The following SCN1A variants were observed in gnomAD, a reference collection of about 807,000 sequenced individuals.
The protein encoded by SCN1A is sodium channel protein type 1 subunit alpha.
In SCN1A, 13 loss-of-function variants were observed where a neutral mutation model predicts 193.7. The observed-to-expected ratio is 0.07, with a 90% CI of 0.04 to 0.11. SCN1A has a LOEUF of 0.11. Ranked by LOEUF, SCN1A falls within the 10% of genes least tolerant of loss-of-function variation. The pLI is 1.00. For missense variants in SCN1A, 1,432 were observed against 2,451.1 expected (o/e 0.58, Z 8.78); for synonymous variants, 781 against 843.6 (o/e 0.93, Z 1.29).
At chr2:166,115,692 C>A (rs569183694) in intron 2 of SCN1A, among the ~76,000 whole-genome samples, 3 of 152,096 alleles carry the variant, frequency 2.0e-5, no homozygotes, top group Admixed American at 6.5e-5. Flanking sequence ...TTAAAGGTAA[C>A]CCTAAAAATG....
At chr2:166,028,672 A>G (rs1695135048) in intron 19 of SCN1A, among the ~76,000 whole-genome samples, 1 of 152,206 alleles carries the variant, frequency 6.6e-6, no homozygotes, top group Non-Finnish European at 1.5e-5. Flanking sequence ...TGCTTATTTG[A>G]TAAATGGTAA....
chr2:165,999,958 C>A, intron 24 of SCN1A, 182 bp from the exon 25 acceptor site: 1 of 622,968 alleles, frequency 1.6e-6, no homozygotes, highest in Non-Finnish European at 2.9e-6. Context: ...TTCTAGAACA[C>A]ATATTGAACA....
chr2:166,076,001 C>T (rs7562628), intron 3 of SCN1A, among the ~76,000 whole-genome samples: 4,217 of 151,418 alleles, frequency 0.028, 221 homozygotes, highest in African/African-American at 0.098. Context: ...CCCATTTTTT[C>T]CTTCTATTTT....
intron 19 of SCN1A, among the ~76,000 whole-genome samples, chr2:166,028,422 ATACT>A (rs1273258211): frequency 1.3e-5 from 2 of 152,170 alleles, no homozygotes; most frequent in Non-Finnish European, 2.9e-5. Flanking sequence ...AAATTATAAC[ATACT>A]TAATAAGTGT....
At chr2:166,114,765 C>G (rs914479975) in intron 2 of SCN1A, among the ~76,000 whole-genome samples, 2 of 151,986 alleles carry the variant, frequency 1.3e-5, no homozygotes, top group African/African-American at 4.8e-5. Flanking sequence ...TAATATTATA[C>G]TTTTGAACTA....
chr2:166,134,241 T>C (rs1691769247), intron 1 of SCN1A, among the ~76,000 whole-genome samples: 1 of 152,098 alleles, frequency 6.6e-6, no homozygotes, highest in Non-Finnish European at 1.5e-5. Context: ...CCAAGAGAGG[T>C]GCAGTGACTT....
intron 19 of SCN1A, among the ~76,000 whole-genome samples, chr2:166,025,006 T>C (rs911199757): frequency 1.1e-4 from 16 of 152,234 alleles, no homozygotes; most frequent in African/African-American, 3.4e-4. Flanking sequence ...TTGCAATTGC[T>C]CTTTACACAT....
At chr2:166,111,161 A>G (rs1689254949) in intron 2 of SCN1A, among the ~76,000 whole-genome samples, 1 of 152,182 alleles carries the variant, frequency 6.6e-6, no homozygotes, top group Admixed American at 6.5e-5. Context: ...AGAAGATGCC[A>G]TCTAGGACTT....
intron 1 of SCN1A, among the ~76,000 whole-genome samples, chr2:166,143,291 C>A (rs1425503394): frequency 6.6e-6 from 1 of 151,512 alleles, no homozygotes; most frequent in African/African-American, 2.4e-5. Flanking sequence ...CTCAGCCTCC[C>A]GAGTAGCTGG....
intron 2 of SCN1A, among the ~76,000 whole-genome samples, chr2:166,079,642 C>T (rs957700463): frequency 1.3e-5 from 2 of 150,772 alleles, no homozygotes; most frequent in African/African-American, 4.9e-5. Flanking sequence ...TACTAAAAGC[C>T]TTCCTATTCT....
chr2:166,146,960 A>G (rs1692347290), intron 1 of SCN1A, among the ~76,000 whole-genome samples: 1 of 152,256 alleles, frequency 6.6e-6, no homozygotes, highest in South Asian at 2.1e-4. Context: ...TTAACTATAT[A>G]CAGTAAAAAC....
chr2:166,103,328 G>A (rs542267841), intron 2 of SCN1A, among the ~76,000 whole-genome samples: 2 of 152,140 alleles, frequency 1.3e-5, no homozygotes, highest in East Asian at 3.9e-4. Context: ...GCAGGCACCT[G>A]TGGTCCCAGC....
chr2:165,996,971 C>T (rs927796794), intron 26 of SCN1A, among the ~76,000 whole-genome samples: 5 of 151,280 alleles, frequency 3.3e-5, no homozygotes, highest in African/African-American at 1.2e-4. Context: ...AAATTAAATA[C>T]AGTTTTCACC....
At chr2:166,041,003 T>G (rs1024279059) in intron 16 of SCN1A, among the ~76,000 whole-genome samples, 1 of 152,212 alleles carries the variant, frequency 6.6e-6, no homozygotes, top group Non-Finnish European at 1.5e-5. Flanking sequence ...TGCTGTTGAC[T>G]TTTCAAGTAG....
chr2:165,996,415 G>T, intron 26 of SCN1A: 1 of 261,870 alleles, frequency 3.8e-6, no homozygotes, highest in South Asian at 4.4e-5. Flanking sequence ...GCGAAATTTG[G>T]TTCACTGAGA....
At chr2:166,122,647 G>A (rs979971160) in intron 2 of SCN1A, among the ~76,000 whole-genome samples, 2 of 152,046 alleles carry the variant, frequency 1.3e-5, no homozygotes, top group Non-Finnish European at 2.9e-5. Context: ...TTTTCAACAC[G>A]TGGTGCTGGG....
At chr2:166,105,773 T>A (rs920693228) in intron 2 of SCN1A, among the ~76,000 whole-genome samples, 7 of 152,196 alleles carry the variant, frequency 4.6e-5, no homozygotes, top group African/African-American at 1.4e-4. Context: ...GTCCAATTCC[T>A]TTTCAGGGAT....
chr2:166,029,507 C>T (rs962062717), intron 19 of SCN1A, among the ~76,000 whole-genome samples: 14 of 152,178 alleles, frequency 9.2e-5, no homozygotes, highest in South Asian at 4.2e-4. Flanking sequence ...CTCTTAGAGA[C>T]TATGTGCTTA....
At chr2:166,142,185 C>T (rs2106303200) in intron 1 of SCN1A, among the ~76,000 whole-genome samples, 1 of 152,196 alleles carries the variant, frequency 6.6e-6, no homozygotes, top group South Asian at 2.1e-4. Flanking sequence ...GCCTGGCACA[C>T]CTGCTAAAGA....
Sources: gnomAD v4.1 joint callset for allele counts (sites outside exome capture counted in the v4.1 genomes callset) on GRCh38, gnomAD v4.1.1 for gene constraint, MANE v1.5 for transcripts, NCBI Gene and HGNC (gene_info 2026-07-23, HGNC 2026-07-21) for gene names.